The following PPARGC1A variants were observed in gnomAD, a reference collection of about 807,000 sequenced individuals.
PPARGC1A encodes the protein PPARG coactivator 1 alpha.
Under a neutral mutation model 88.7 loss-of-function variants are expected in PPARGC1A, and 25 were observed. The ratio of observed to expected loss-of-function variants is 0.28; its 90% confidence interval spans 0.21 to 0.39. The LOEUF (loss-of-function observed/expected upper bound fraction) is 0.39, where lower values mean the gene tolerates loss of function less well. Ranked by LOEUF, PPARGC1A falls within the 10% of genes least tolerant of loss-of-function variation. The probability of loss-of-function intolerance (pLI) is 1.00; values close to 1 mark genes in which losing one functional copy is unlikely to be tolerated. For synonymous variants in PPARGC1A, 363 were observed against 355.6 expected (o/e 1.02, Z -0.24); for missense variants, 880 against 968.7 (o/e 0.91, Z 1.22).
chr4:24,017,476 G>A, the PPARGC1A span, among the ~76,000 whole-genome samples: 1 of 151,950 alleles, frequency 6.6e-6, no homozygotes. Flanking sequence ...ACATAATAGT[G>A]TACACCAGAC....
chr4:24,422,339 T>C, the PPARGC1A span, among the ~76,000 whole-genome samples: 2 of 152,230 alleles, frequency 1.3e-5, no homozygotes, highest in East Asian at 1.9e-4. Context: ...AAGGAAAAGC[T>C]AGAACGTTGA....
chr4:23,997,497 C>T, the PPARGC1A span, among the ~76,000 whole-genome samples: 3 of 96,954 alleles, frequency 3.1e-5, no homozygotes, highest in Non-Finnish European at 2.0e-5. Flanking sequence ...CAAGAAAGCC[C>T]TTTTTTTTTT....
chr4:24,319,086 G>T, the PPARGC1A span, among the ~76,000 whole-genome samples: 1 of 152,168 alleles, frequency 6.6e-6, no homozygotes, highest in African/African-American at 2.4e-5. Context: ...GTGGCTTACG[G>T]TTGTAATCCC....
At chr4:23,810,493 A>G (rs1320517401) in intron 10 of PPARGC1A, among the ~76,000 whole-genome samples, 1 of 152,192 alleles carries the variant, frequency 6.6e-6, no homozygotes, top group Non-Finnish European at 1.5e-5. Flanking sequence ...ATCTAGACCA[A>G]TGACACTACT....
chr4:23,821,753 C>T (rs922169253), intron 7 of PPARGC1A, among the ~76,000 whole-genome samples: 1 of 151,932 alleles, frequency 6.6e-6, no homozygotes, highest in African/African-American at 2.4e-5. Context: ...TAACCATCTT[C>T]ATATCATGCA....
the PPARGC1A span, among the ~76,000 whole-genome samples, chr4:24,278,753 C>CAT: frequency 5.8e-3 from 888 of 152,288 alleles, 8 homozygotes; most frequent in African/African-American, 0.02. Flanking sequence ...CAAATCCCTA[C>CAT]ATTGTGAGCT....
chr4:23,996,029 G>A, the PPARGC1A span, among the ~76,000 whole-genome samples: 1 of 152,144 alleles, frequency 6.6e-6, no homozygotes, highest in Non-Finnish European at 1.5e-5. Flanking sequence ...TCTTAGCGAT[G>A]CTAAGGGGAA....
At chr4:24,108,794 T>C in the PPARGC1A span, among the ~76,000 whole-genome samples, 2 of 152,026 alleles carry the variant, frequency 1.3e-5, no homozygotes, top group African/African-American at 4.8e-5. Context: ...GTTCACTGAA[T>C]TTGAATTTCT....
chr4:24,024,718 C>A, the PPARGC1A span, among the ~76,000 whole-genome samples: 1 of 152,194 alleles, frequency 6.6e-6, no homozygotes, highest in African/African-American at 2.4e-5. Flanking sequence ...TCAAGCTGTC[C>A]CATTGGCTAA....
At chr4:24,004,537 T>C in the PPARGC1A span, among the ~76,000 whole-genome samples, 2 of 152,206 alleles carry the variant, frequency 1.3e-5, no homozygotes, top group Admixed American at 1.3e-4. Context: ...GTAGTGACCA[T>C]ACACCATTAA....
the PPARGC1A span, among the ~76,000 whole-genome samples, chr4:24,062,527 C>G: frequency 6.6e-6 from 1 of 152,186 alleles, no homozygotes; most frequent in Non-Finnish European, 1.5e-5. Context: ...CAGCTCATCT[C>G]ACAATTCCAT....
At chr4:23,913,862 C>T in the PPARGC1A span, among the ~76,000 whole-genome samples, 4 of 152,182 alleles carry the variant, frequency 2.6e-5, no homozygotes, top group African/African-American at 7.2e-5. Flanking sequence ...TGCATCCATC[C>T]ATTCACCTCA....
At chr4:23,812,709 C>G in intron 10 of PPARGC1A, 38 bp downstream of exon 10, 6 of 1,610,864 alleles carry the variant, frequency 3.7e-6, no homozygotes, top group Non-Finnish European at 5.1e-6. Context: ...AAAGAAGAAA[C>G]CCTACTTTAA....
intron 2 of PPARGC1A, among the ~76,000 whole-genome samples, chr4:23,833,563 G>A (rs1725439430): frequency 6.6e-6 from 1 of 152,130 alleles, no homozygotes; most frequent in African/African-American, 2.4e-5. Context: ...CCAGTTAATT[G>A]ACCTGACAAA....
chr4:24,273,253 ACT>A, the PPARGC1A span, among the ~76,000 whole-genome samples: 8 of 152,206 alleles, frequency 5.3e-5, no homozygotes, highest in South Asian at 1.7e-3. Context: ...CAAATTTAAA[ACT>A]CTGCCCGCAT....
chr4:23,994,995 T>C, the PPARGC1A span, among the ~76,000 whole-genome samples: 2 of 152,196 alleles, frequency 1.3e-5, 1 homozygote, highest in Non-Finnish European at 2.9e-5. Flanking sequence ...TGTTTGAAAT[T>C]GATGGTGTCC....
At chr4:24,383,254 C>T in the PPARGC1A span, among the ~76,000 whole-genome samples, 1 of 152,124 alleles carries the variant, frequency 6.6e-6, no homozygotes, top group Non-Finnish European at 1.5e-5. Context: ...TAGATAAATC[C>T]ACAAAGGTGA....
the PPARGC1A span, among the ~76,000 whole-genome samples, chr4:24,245,393 G>A: frequency 6.6e-6 from 1 of 152,166 alleles, no homozygotes; most frequent in African/African-American, 2.4e-5. Context: ...GGCAATTCCA[G>A]GACCTCTCAG....
At chr4:24,089,510 C>CTT in the PPARGC1A span, among the ~76,000 whole-genome samples, 29 of 33,830 alleles carry the variant, frequency 8.6e-4, 2 homozygotes, top group African/African-American at 1.9e-3. Context: ...CTTTTCTTTT[C>CTT]TTTCTTTTTT....
Sources: allele counts gnomAD v4.1 joint callset (sites outside exome capture counted in the v4.1 genomes callset), GRCh38; gene constraint gnomAD v4.1.1; transcripts MANE v1.5; gene names NCBI Gene and HGNC (gene_info 2026-07-23, HGNC 2026-07-21).